Variants in ANKS1B observed in about 807,000 individuals in gnomAD.
ANKS1B encodes the protein ankyrin repeat and sterile alpha motif domain containing 1B.
Under a neutral mutation model 148.3 loss-of-function variants are expected in ANKS1B, and 36 were observed. That is an observed-to-expected ratio of 0.24 (90% confidence interval 0.19 to 0.32). The LOEUF is 0.32. ANKS1B is among the 10% of genes least tolerant of loss of function. ANKS1B has a pLI of 1.00. For synonymous variants in ANKS1B, 542 were observed against 560.8 expected (o/e 0.97, Z 0.47); for missense variants, 1,157 against 1,542.6 (o/e 0.75, Z 4.19).
chr12:99,036,477 A>G (rs1473802468), intron 17 of ANKS1B, among the ~76,000 whole-genome samples: 1 of 152,232 alleles, frequency 6.6e-6, no homozygotes, highest in Non-Finnish European at 1.5e-5. Flanking sequence ...AATGCATCTT[A>G]CAATCCACAG....
At position 98,776,069 on chromosome 12, in the gene ANKS1B, G is replaced by A. The variant is rs117323522; in HGVS notation, c.3442-2890C>T. 2.3e-3 allele frequency among the ~76,000 whole-genome samples: 349 copies of A among 152,342 alleles called. 5 individuals carry two copies. In the East Asian group the frequency reaches 0.046, roughly 20 times the overall value. On this transcript the variant is annotated intron_variant, in intron 24 of 26. Coordinates refer to ENST00000683438, the MANE Select transcript of ANKS1B (RefSeq NM_001352186.2). ...GATATATTGCCAATGCTAGAATGGGGTAAGGTCCTGGGATGTCACTACTGA... is the reference window on the plus strand; with the variant it reads ...GATATATTGCCAATGCTAGAATGGGATAAGGTCCTGGGATGTCACTACTGA...
At chr12:99,920,361 C>T (rs764034651) in intron 1 of ANKS1B, among the ~76,000 whole-genome samples, 9 of 151,780 alleles carry the variant, frequency 5.9e-5, no homozygotes, top group South Asian at 4.2e-4. Context: ...TATCCATTCA[C>T]GACATTCAAG....
At chr12:99,873,619 G>A (rs2091767895) in intron 1 of ANKS1B, among the ~76,000 whole-genome samples, 1 of 152,074 alleles carries the variant, frequency 6.6e-6, no homozygotes, top group Admixed American at 6.6e-5. Flanking sequence ...ACTATTTACA[G>A]ACCATTCTCT....
chr12:99,418,084 T>C (rs1002653979), intron 11 of ANKS1B, among the ~76,000 whole-genome samples: 3 of 151,926 alleles, frequency 2.0e-5, no homozygotes, highest in African/African-American at 4.8e-5. Context: ...CTAAAGGGAG[T>C]TCTTTAAGCT....
intron 17 of ANKS1B, among the ~76,000 whole-genome samples, chr12:98,957,177 G>A (rs2099863567): frequency 6.6e-6 from 1 of 152,046 alleles, no homozygotes; most frequent in African/African-American, 2.4e-5. Flanking sequence ...AGGGAAAAAA[G>A]CCTCCTTTTC....
Position 99,385,637 on chromosome 12 carries a change from A to G in ANKS1B, c.1756+13994T>C, listed in dbSNP as rs553014213. ...ACAAACATGTTGTTAGTAGCAAACTACTTAGCTTAGAGAACTTAACATAGT... is the reference window on the plus strand; with the variant it reads ...ACAAACATGTTGTTAGTAGCAAACTGCTTAGCTTAGAGAACTTAACATAGT... On this transcript the variant is annotated intron_variant, in intron 12 of 26. Coordinates refer to ENST00000683438, the MANE Select transcript of ANKS1B (RefSeq NM_001352186.2). Among the ~76,000 whole-genome samples the G allele has an allele frequency of 7.4e-4, 112 of 152,324 alleles. 2 individuals are homozygous for G. Among genetic ancestry groups the G allele is most frequent in the African/African-American group, 2.5e-3 (104 of 41,576 alleles).
intron 9 of ANKS1B, among the ~76,000 whole-genome samples, chr12:99,536,846 C>A (rs917267166): frequency 1.3e-5 from 2 of 152,022 alleles, no homozygotes; most frequent in African/African-American, 4.8e-5. Context: ...TCAAATAGGT[C>A]TTACTCATTT....
intron 8 of ANKS1B, among the ~76,000 whole-genome samples, chr12:99,695,941 C>T (rs545249153): frequency 3.4e-4 from 52 of 152,082 alleles, no homozygotes; most frequent in African/African-American, 1.1e-3. Context: ...ACTACTAGAG[C>T]GCGGAGGGTG....
At chr12:98,842,891 T>A (rs2099415483) in intron 17 of ANKS1B, among the ~76,000 whole-genome samples, 1 of 152,232 alleles carries the variant, frequency 6.6e-6, no homozygotes, top group Non-Finnish European at 1.5e-5. Flanking sequence ...TTAGTACGAC[T>A]TTCCTATGTA....
At chr12:99,660,937 C>T (rs2098474428) in intron 8 of ANKS1B, among the ~76,000 whole-genome samples, 1 of 152,002 alleles carries the variant, frequency 6.6e-6, no homozygotes, top group African/African-American at 2.4e-5. Context: ...TCAGCACTGA[C>T]TGAGTGGTTA....
chr12:99,320,978 C>A (rs749186474), intron 12 of ANKS1B, among the ~76,000 whole-genome samples: 14 of 152,106 alleles, frequency 9.2e-5, no homozygotes, highest in East Asian at 3.9e-4. Context: ...CACTCCAGAC[C>A]CTGTTTGCCT....
At chr12:98,839,786 G>A (rs1567041329) in intron 17 of ANKS1B, among the ~76,000 whole-genome samples, 1 of 152,148 alleles carries the variant, frequency 6.6e-6, no homozygotes, top group East Asian at 1.9e-4. Context: ...TCACAAGGAT[G>A]AAATCGAGAT....
At chr12:99,202,230 GATAC>G (rs2082150656) in intron 14 of ANKS1B, among the ~76,000 whole-genome samples, 1 of 152,088 alleles carries the variant, frequency 6.6e-6, no homozygotes, top group African/African-American at 2.4e-5. Context: ...AGCTTAACTG[GATAC>G]ATCAGCTAAT....
intron 1 of ANKS1B, among the ~76,000 whole-genome samples, chr12:99,964,828 G>A (rs1429724230): frequency 6.6e-6 from 1 of 152,206 alleles, no homozygotes; most frequent in Non-Finnish European, 1.5e-5. Flanking sequence ...CTCTGCAGAA[G>A]GACAGCCTAG....
chr12:99,802,066 T>C (rs572770369), intron 4 of ANKS1B, among the ~76,000 whole-genome samples: 2 of 152,342 alleles, frequency 1.3e-5, no homozygotes, highest in Admixed American at 1.3e-4. Flanking sequence ...TGGATAATTA[T>C]CGCCTATGTA....
In ANKS1B at chr12:98,827,272, C is replaced by T. The variant is rs559879830; in HGVS notation, c.3066+1902G>A. Reference sequence around the variant, plus strand: ...GCAGCAGAAGTGCTGTATTGAACAGCAGGCTTTTAGAAAGCTTCTAATAAG... The same window carrying T: ...GCAGCAGAAGTGCTGTATTGAACAGTAGGCTTTTAGAAAGCTTCTAATAAG... On this transcript the variant is annotated intron_variant, in intron 19 of 26. Transcript: ENST00000683438. Among the ~76,000 whole-genome samples the T allele has an allele frequency of 2.6e-5, 4 of 152,264 alleles. No homozygotes were observed. The South Asian group carries it at 8.3e-4, about 32-fold the overall frequency.
At chr12:99,892,010 G>C (rs2093136299) in intron 1 of ANKS1B, among the ~76,000 whole-genome samples, 1 of 151,700 alleles carries the variant, frequency 6.6e-6, no homozygotes, top group Non-Finnish European at 1.5e-5. Context: ...AGGTTTTTTT[G>C]TTTGTTTGTT....
chr12:98,939,866 G>C (rs891752846), intron 17 of ANKS1B, among the ~76,000 whole-genome samples: 5 of 152,214 alleles, frequency 3.3e-5, no homozygotes, highest in Non-Finnish European at 7.3e-5. Context: ...GTTTTAATTG[G>C]TTCTTGACTT....
chr12:99,367,176 C>T (rs545368110), intron 12 of ANKS1B, among the ~76,000 whole-genome samples: 3 of 152,098 alleles, frequency 2.0e-5, no homozygotes, highest in Non-Finnish European at 2.9e-5. Flanking sequence ...CAGCTGGGGA[C>T]CACTAGTCTG....
Sources: gnomAD v4.1 joint callset for allele counts (sites outside exome capture counted in the v4.1 genomes callset) on GRCh38, gnomAD v4.1.1 for gene constraint, MANE v1.5 for transcripts, NCBI Gene and HGNC (gene_info 2026-07-23, HGNC 2026-07-21) for gene names.